ANKRD30A: variants seen among roughly 807,000 people sequenced by gnomAD.
ANKRD30A encodes ankyrin repeat domain 30A.
In ANKRD30A, 170 loss-of-function variants were observed where a neutral mutation model predicts 166.3. The observed-to-expected ratio is 1.02, with a 90% CI of 0.90 to 1.16. The LOEUF is 1.16. Ranked by LOEUF, ANKRD30A falls within the 50% of genes most tolerant of loss-of-function variation. The pLI, the probability that ANKRD30A is intolerant of heterozygous loss-of-function variation, is 0.00. For synonymous variants in ANKRD30A, 564 were observed against 508.9 expected (o/e 1.11, Z -1.46); for missense variants, 1,630 against 1,518.0 (o/e 1.07, Z -1.23).
chr10:37,182,565 C>CT (rs1192919437), intron 24 of ANKRD30A, among the ~76,000 whole-genome samples: 8 of 67,446 alleles, frequency 1.2e-4, no homozygotes, highest in South Asian at 1.2e-3. Context: ...CTTAAATTTT[C>CT]TTTTTTTTTG....
chr10:37,217,959 T>G, intron 33 of ANKRD30A, 81 bp downstream of exon 33: 1 of 1,043,122 alleles, frequency 9.6e-7, no homozygotes. Context: ...TGATTTAGTA[T>G]GTATTATTCA....
At chr10:37,177,667 GTC>G (rs1236996586) in intron 24 of ANKRD30A, 4 of 1,270,882 alleles carry the variant, frequency 3.1e-6, no homozygotes, top group African/African-American at 1.5e-5. Flanking sequence ...TTTTAACAGA[GTC>G]TCTGTGAGAC....
At chr10:37,211,498 G>GTATA (rs1842315039) in intron 31 of ANKRD30A, among the ~76,000 whole-genome samples, 1 of 152,090 alleles carries the variant, frequency 6.6e-6, no homozygotes, top group South Asian at 2.1e-4. Flanking sequence ...ATTCCATGGT[G>GTATA]TATATGTGCC....
chr10:37,219,988 AATATATATATATATATATATATATAT>A lies in ANKRD30A; in HGVS notation c.4185+107_4185+132del, dbSNP rs71007624. ...CTTGGCTAAATGCTGAATCTAGTTG[AATATATATATATATATATATATATAT>A]ATATATATATATATAATATATGTAT... On this transcript the variant is annotated intron_variant, in intron 34 of 35. Transcript: ENST00000361713. 1.9e-3 allele frequency: 361 copies of A among 187,908 alleles called. 41 individuals are homozygous for A. The highest frequency in any genetic ancestry group is 7.0e-4 in the Non-Finnish European group (70 of 100,178). The allele number at this position is 187,908 out of a possible 1,614,324, so 11.6% of individuals were successfully genotyped here.
intron 27 of ANKRD30A, among the ~76,000 whole-genome samples, chr10:37,195,833 G>C (rs1036290069): frequency 6.6e-6 from 1 of 152,008 alleles, no homozygotes; most frequent in South Asian, 2.1e-4. Context: ...AGTTGCAAAA[G>C]GAGAGGCCTT....
At chr10:37,248,972 C>G in the ANKRD30A span, among the ~76,000 whole-genome samples, 29 of 152,040 alleles carry the variant, frequency 1.9e-4, no homozygotes, top group African/African-American at 6.8e-4. Flanking sequence ...GGGTCTTTGT[C>G]GGAGGGGATT....
intron 15 of ANKRD30A, among the ~76,000 whole-genome samples, chr10:37,158,920 G>A (rs1314226941): frequency 1.3e-5 from 2 of 152,144 alleles, no homozygotes; most frequent in African/African-American, 4.8e-5. Context: ...AGGCTGATTG[G>A]AATTCCGATC....
At chr10:37,144,150 G>T (rs888899745) in intron 7 of ANKRD30A, among the ~76,000 whole-genome samples, 3 of 152,104 alleles carry the variant, frequency 2.0e-5, no homozygotes, top group African/African-American at 4.8e-5. Context: ...CAGTTAAGGG[G>T]CTGTGTCTAA....
rs185961028 is a variant in ANKRD30A, at chr10:37,157,636, T to G, written c.1799-756T>G. Among the ~76,000 whole-genome samples, 305 of 152,260 alleles carry G rather than the reference T, an allele frequency of 2.0e-3. 5 individuals are homozygous for G. The East Asian group carries it at 0.031, about 15-fold the overall frequency. ...GATCCGCCCTCCTCAGCCTTCCAAATTGCTGGAATTACAGGCATGAGCCAC... is the reference window on the plus strand; with the variant it reads ...GATCCGCCCTCCTCAGCCTTCCAAAGTGCTGGAATTACAGGCATGAGCCAC... On this transcript the variant is annotated intron_variant, in intron 13 of 35. Transcript: ENST00000361713.
At chr10:37,142,822 A>G (rs376861015) in intron 7 of ANKRD30A, among the ~76,000 whole-genome samples, 94 of 152,032 alleles carry the variant, frequency 6.2e-4, no homozygotes, top group African/African-American at 2.2e-3. Context: ...TGACCTCATG[A>G]TATGCCTGCC....
chr10:37,179,668 C>T (rs1045964414), intron 24 of ANKRD30A, among the ~76,000 whole-genome samples: 4 of 143,888 alleles, frequency 2.8e-5, no homozygotes, highest in African/African-American at 1.0e-4. Context: ...TTCTCAATGA[C>T]AGGACATATT....
In ANKRD30A at chr10:37,147,444, T is replaced by C. The variant is rs1837589389; in HGVS notation, c.1530T>C (p.Asn510=). The change falls in exon 9 of 36, where the codon AAT becomes AAC. Residue 510 remains asparagine (N), a synonymous_variant. Coordinates refer to ENST00000361713, the MANE Select transcript of ANKRD30A (RefSeq NM_052997.3). ...ESIYQKVMEI[N]REVEEPPKKP... ...TATATCAAAAAGTAATGGAGATAAA[T>C]AGAGAAGTAGAAGGTAAGAACGATT... 2.5e-6 allele frequency: 4 copies of C among 1,580,548 alleles called. No homozygotes were observed. The highest frequency in any genetic ancestry group is 3.4e-6 in the Non-Finnish European group (4 of 1,163,868).
chr10:37,218,198 A>G, intron 33 of ANKRD30A, among the ~76,000 whole-genome samples: 1 of 150,990 alleles, frequency 6.6e-6, no homozygotes, highest in East Asian at 1.9e-4. Context: ...TGACTCAAAC[A>G]TTATCAAGAG....
chr10:37,213,463 C>T (rs1360852804), intron 31 of ANKRD30A, among the ~76,000 whole-genome samples: 13 of 151,574 alleles, frequency 8.6e-5, no homozygotes, highest in Admixed American at 7.9e-4. Flanking sequence ...TTTTAGCATA[C>T]GAAAATTGCA....
At chr10:37,165,502 C>T (rs1326933568) in intron 18 of ANKRD30A, among the ~76,000 whole-genome samples, 2 of 151,020 alleles carry the variant, frequency 1.3e-5, no homozygotes, top group Admixed American at 1.3e-4. Flanking sequence ...TGTCTTATAT[C>T]TAGAGGTAGA....
At chr10:37,263,395 T>A in the ANKRD30A span, among the ~76,000 whole-genome samples, 3 of 151,896 alleles carry the variant, frequency 2.0e-5, no homozygotes, top group African/African-American at 7.3e-5. Flanking sequence ...TGCACTTTAT[T>A]TCTCTTATAT....
chr10:37,258,343 TGAA>T, the ANKRD30A span, among the ~76,000 whole-genome samples: 1 of 152,166 alleles, frequency 6.6e-6, no homozygotes, highest in African/African-American at 2.4e-5. Context: ...AAGAAAGTTC[TGAA>T]GAAGAACAGA....
Position 37,217,815 on chromosome 10 carries a change from A to G in ANKRD30A, c.3204A>G (p.Gln1068=). 1 of 1,601,278 alleles carries G rather than the reference A, an allele frequency of 6.2e-7. No individual in the cohort carries two copies. Among genetic ancestry groups the G allele is most frequent in the East Asian group, 2.3e-5 (1 of 44,174 alleles). The change falls in exon 33 of 36, where the codon CAA becomes CAG. Residue 1068 remains glutamine, a synonymous_variant. Coordinates refer to ENST00000361713, the MANE Select transcript of ANKRD30A (RefSeq NM_052997.3). ...GGAAAGAGTTAGAAGTGAAACAACAACTTGAACAGGCTCTCAGAATACAAG... is the reference window on the plus strand; with the variant it reads ...GGAAAGAGTTAGAAGTGAAACAACAGCTTGAACAGGCTCTCAGAATACAAG... ...QHRKELEVKQ[Q]LEQALRIQDI...
At chr10:37,256,949 A>G in the ANKRD30A span, among the ~76,000 whole-genome samples, 2 of 152,228 alleles carry the variant, frequency 1.3e-5, no homozygotes, top group South Asian at 2.1e-4. Flanking sequence ...TTTGTTTGGA[A>G]TAGTTTCAAA....
Sources: allele counts gnomAD v4.1 joint callset (sites outside exome capture counted in the v4.1 genomes callset), GRCh38; gene constraint gnomAD v4.1.1; transcripts MANE v1.5; gene names NCBI Gene and HGNC (gene_info 2026-07-23, HGNC 2026-07-21).